Variants in AIG1 observed in about 807,000 individuals in gnomAD.
The protein encoded by AIG1 is androgen-induced gene 1 protein.
In AIG1, 23 loss-of-function variants were observed where a neutral mutation model predicts 31.4. The ratio of observed to expected loss-of-function variants is 0.73; its 90% CI spans 0.53 to 1.04. The LOEUF is 1.04. AIG1 is among the 50% of genes least tolerant of loss of function. AIG1 has a pLI of 0.00. For synonymous variants in AIG1, 100 were observed against 110.5 expected (o/e 0.90, Z 0.60); for missense variants, 274 against 295.0 (o/e 0.93, Z 0.52).
At chr6:143,278,992 G>T (rs1191997018) in intron 3 of AIG1, among the ~76,000 whole-genome samples, 6 of 151,688 alleles carry the variant, frequency 4.0e-5, no homozygotes, top group Non-Finnish European at 5.9e-5. Flanking sequence ...AATTGGGTGA[G>T]AACTTTAAAA....
intron 3 of AIG1, among the ~76,000 whole-genome samples, chr6:143,176,694 C>T (rs2128580065): frequency 6.6e-6 from 1 of 152,380 alleles, no homozygotes; most frequent in African/African-American, 2.4e-5. Flanking sequence ...GCTGGTCTCG[C>T]TCCCACCTCC....
intron 2 of AIG1, among the ~76,000 whole-genome samples, chr6:143,157,320 G>A (rs1785877327): frequency 6.6e-6 from 1 of 151,924 alleles, no homozygotes; most frequent in Non-Finnish European, 1.5e-5. Flanking sequence ...GTGGCCTCAG[G>A]CCTTGCCTTC....
chr6:143,212,724 G>A (rs1791685968), intron 3 of AIG1, among the ~76,000 whole-genome samples: 1 of 152,188 alleles, frequency 6.6e-6, no homozygotes, highest in Non-Finnish European at 1.5e-5. Context: ...CTTCGAGTGT[G>A]TGTGTCTGTG....
chr6:143,230,237 T>C (rs1353101641), intron 3 of AIG1, among the ~76,000 whole-genome samples: 1 of 152,136 alleles, frequency 6.6e-6, no homozygotes, highest in Non-Finnish European at 1.5e-5. Context: ...TAGTGGGGAA[T>C]GATTTTACTA....
At chr6:143,259,656 C>T (rs937113765) in intron 3 of AIG1, among the ~76,000 whole-genome samples, 14 of 152,182 alleles carry the variant, frequency 9.2e-5, no homozygotes, top group Non-Finnish European at 1.8e-4. Context: ...TTTCTCATTC[C>T]TTGCGTGCTC....
chr6:143,092,086 T>A (rs1039710776), intron 1 of AIG1, among the ~76,000 whole-genome samples: 1 of 152,118 alleles, frequency 6.6e-6, no homozygotes, highest in African/African-American at 2.4e-5. Flanking sequence ...CTGTGGCAGC[T>A]ACAGCCTTAT....
intron 3 of AIG1, among the ~76,000 whole-genome samples, chr6:143,228,523 C>T (rs565026039): frequency 1.3e-4 from 20 of 152,268 alleles, no homozygotes; most frequent in Non-Finnish European, 2.4e-4. Flanking sequence ...CTAGGAGAGT[C>T]TACAGGCAGG....
intron 4 of AIG1, among the ~76,000 whole-genome samples, chr6:143,285,847 G>A (rs1797648349): frequency 6.6e-6 from 1 of 151,938 alleles, no homozygotes; most frequent in Non-Finnish European, 1.5e-5. Context: ...CTAAAGTTGT[G>A]TCTTAAAAAT....
intron 1 of AIG1, among the ~76,000 whole-genome samples, chr6:143,113,118 G>T (rs1302510320): frequency 6.6e-6 from 1 of 151,674 alleles, no homozygotes. Context: ...AGCCTAGGAG[G>T]TTGAGGCTGC....
rs559927971 is a variant in AIG1, at chr6:143,288,418, C to T, written c.515+4193C>T. The stretch of plus-strand genomic sequence containing the variant: ...CTCTCAACCCAGGACACATCAAGAG[C>T]AAGTAGGCCTTAGTGAAGGGGACAA... On this transcript the variant is annotated intron_variant, in intron 4 of 5. Coordinates refer to ENST00000357847, the MANE Select transcript of AIG1 (RefSeq NM_016108.4). The surrounding 1 kb of genome is among the most constrained non-coding windows in gnomAD (Gnocchi z 4.4). 6.7e-6 allele frequency among the ~76,000 whole-genome samples: 1 copy of T among 149,724 alleles called. No homozygotes were observed. Among genetic ancestry groups the T allele is most frequent in the Middle Eastern group, 3.4e-3 (1 of 292 alleles).
intron 2 of AIG1, among the ~76,000 whole-genome samples, chr6:143,163,858 C>T (rs149409747): frequency 2.9e-3 from 440 of 152,228 alleles, no homozygotes; most frequent in Non-Finnish European, 3.9e-3. Context: ...CAAAATACTG[C>T]CTGGATCTCC....
At chr6:143,226,295 C>T (rs1053143077) in intron 3 of AIG1, among the ~76,000 whole-genome samples, 2 of 150,846 alleles carry the variant, frequency 1.3e-5, no homozygotes, top group Admixed American at 6.6e-5. Context: ...GGCTGGAGTG[C>T]AGTGGGATGA....
chr6:143,091,001 C>G (rs1031412210), intron 1 of AIG1, among the ~76,000 whole-genome samples: 1 of 152,182 alleles, frequency 6.6e-6, no homozygotes. Context: ...TGTTCTAAAT[C>G]CTTTGTTGTC....
At position 143,236,171 on chromosome 6, in the gene AIG1, T is replaced by G. The variant is rs1356487801; in HGVS notation, c.400-47939T>G. ...TTCCTTTAATCCTGGGAAGCCTTCT[T>G]GGGCCTTACGAGTTGTGCCAGTTCT... On this transcript the variant is annotated intron_variant, in intron 3 of 5. Coordinates refer to ENST00000357847, the MANE Select transcript of AIG1 (RefSeq NM_016108.4). 3.3e-5 allele frequency among the ~76,000 whole-genome samples: 5 copies of G among 152,368 alleles called. No homozygotes were observed. The East Asian group carries it at 9.6e-4, about 29-fold the overall frequency.
intron 3 of AIG1, chr6:143,189,779 A>G: frequency 1.0e-6 from 1 of 984,606 alleles, no homozygotes; most frequent in Non-Finnish European, 1.2e-6. Flanking sequence ...TTTTAAATGT[A>G]TTTCCTGAAA....
chr6:143,320,616 C>T (rs368800786), intron 4 of AIG1, among the ~76,000 whole-genome samples: 217 of 152,238 alleles, frequency 1.4e-3, no homozygotes, highest in African/African-American at 4.8e-3. Flanking sequence ...TATGATCCCA[C>T]TTATATCAAG....
intron 1 of AIG1, among the ~76,000 whole-genome samples, chr6:143,095,767 A>G (rs1045774084): frequency 6.6e-6 from 1 of 152,198 alleles, no homozygotes; most frequent in Admixed American, 6.5e-5. Context: ...TTAATTGAAC[A>G]AGCCAAGAAA....
intron 4 of AIG1, among the ~76,000 whole-genome samples, chr6:143,312,331 G>A (rs1309493293): frequency 6.6e-6 from 1 of 150,544 alleles, no homozygotes; most frequent in Non-Finnish European, 1.5e-5. Context: ...ATATATTAAT[G>A]AAAACAGCAT....
At chr6:143,237,465 C>G (rs1583589686) in intron 3 of AIG1, among the ~76,000 whole-genome samples, 1 of 152,112 alleles carries the variant, frequency 6.6e-6, no homozygotes, top group Non-Finnish European at 1.5e-5. Context: ...GCTATGAAGT[C>G]AAGAAAGATA....
Sources: allele counts gnomAD v4.1 joint callset (sites outside exome capture counted in the v4.1 genomes callset), GRCh38; gene constraint gnomAD v4.1.1; non-coding constraint Gnocchi (gnomAD v3.1); transcripts MANE v1.5; gene names NCBI Gene and HGNC (gene_info 2026-07-23, HGNC 2026-07-21).